BDH1: variants seen among roughly 807,000 people sequenced by gnomAD.
The protein encoded by BDH1 is D-beta-hydroxybutyrate dehydrogenase, mitochondrial.
Under a neutral mutation model 33.1 loss-of-function variants are expected in BDH1, and 30 were observed. That is an observed-to-expected ratio of 0.91 (90% confidence interval 0.68 to 1.23). The LOEUF is 1.23. Ranked by LOEUF, BDH1 falls within the 50% of genes most tolerant of loss-of-function variation. BDH1 has a pLI of 0.00. For missense variants in BDH1, 443 were observed against 464.4 expected, an observed-to-expected ratio of 0.95 and a Z score of 0.42; for synonymous variants, 190 against 183.6, an observed-to-expected ratio of 1.03 and a Z score of -0.28.
At chr3:197,532,676 T>C (rs570655773) in intron 4 of BDH1, among the ~76,000 whole-genome samples, 154 bp from the exon 5 acceptor site, 1 of 152,302 alleles carries the variant, frequency 6.6e-6, no homozygotes, top group African/African-American at 2.4e-5. Flanking sequence ...AGAAGCACCA[T>C]GGTATAGTGG....
In BDH1 at chr3:197,511,821, G is replaced by A; in HGVS notation, c.*74C>T. ...GGATAATCCACACGTGGATAATCAA[G>A]AGTTGACTATATGGGTTCCTCCCTC... is the stretch of plus-strand genomic sequence containing the variant. On this transcript the variant is annotated 3_prime_UTR_variant, in exon 8 of 8. Transcript: ENST00000392379. The A allele has an allele frequency of 1.5e-6, 2 of 1,369,064 alleles. No homozygotes were observed. Among genetic ancestry groups the A allele is most frequent in the Non-Finnish European group, 2.0e-6 (2 of 1,000,272 alleles). 84.8% of individuals were successfully genotyped at this position (1,369,064 alleles called of 1,614,324 possible). A position where few individuals can be genotyped will look rare whatever the true frequency, so the allele number is the denominator to read the frequency against.
chr3:197,556,749 G>A (rs978983874), upstream of BDH1, among the ~76,000 whole-genome samples: 3 of 152,184 alleles, frequency 2.0e-5, no homozygotes, highest in African/African-American at 7.2e-5. Context: ...TTTAATAATA[G>A]AACAACGGAG....
intron 3 of BDH1, among the ~76,000 whole-genome samples, chr3:197,537,470 G>A (rs907468627): frequency 3.9e-5 from 6 of 152,082 alleles, no homozygotes; most frequent in African/African-American, 4.8e-5. Context: ...CTGCAAATAT[G>A]GGGTCTTATT....
Position 197,512,063 on chromosome 3 carries a change from G to A in BDH1, c.864C>T (p.Cys288=), listed in dbSNP as rs1377437114. 1.2e-6 allele frequency: 2 copies of A among 1,614,200 alleles called. No individual in the cohort carries two copies. Among genetic ancestry groups the A allele is most frequent in the East Asian group, 2.2e-5 (1 of 44,888 alleles). ...GGGACGTGTCTGTGGAGCCACTGCT[G>A]CAGTAGGTCTCCATCTTGGCGATCT... is the stretch of plus-strand genomic sequence containing the variant. ...DEKIAKMETY[C]SSGSTDTSPV... Residue 288 remains cysteine, a synonymous_variant, in exon 8 of 8, where the codon TGC becomes TGT. Coordinates refer to ENST00000392379, the MANE Select transcript of BDH1 (RefSeq NM_203314.3).
intron 1 of BDH1, among the ~76,000 whole-genome samples, chr3:197,568,053 G>C (rs921914936): frequency 6.6e-6 from 1 of 152,086 alleles, no homozygotes; most frequent in Admixed American, 6.6e-5. Context: ...GGCCCTGCCC[G>C]GGGTCTGAAT....
Position 197,549,975 on chromosome 3 carries a change from T to TTATATATA in BDH1, c.-43-3497_-43-3490dup, listed in dbSNP as rs71623361. ...TATATGCACTATAATCAAATAACTA[T>TTATATATA]TATATATATATTTGGCCATTCCTCT... On this transcript the variant is annotated intron_variant, in intron 2 of 7. Transcript: ENST00000392379. 2.2e-4 allele frequency among the ~76,000 whole-genome samples: 32 copies of TTATATATA among 146,946 alleles called. 1 individual carries two copies. The highest frequency in any genetic ancestry group is 4.2e-4 in the South Asian group (2 of 4,734).
chr3:197,539,223 G>A (rs746314560), intron 3 of BDH1, among the ~76,000 whole-genome samples: 11 of 152,046 alleles, frequency 7.2e-5, no homozygotes, highest in African/African-American at 9.7e-5. Flanking sequence ...ATCTTGGCTC[G>A]CTGCAACCTG....
In BDH1 at chr3:197,531,056, T is replaced by C. The variant is rs145005096; in HGVS notation, c.267+1356A>G. The stretch of plus-strand genomic sequence containing the variant: ...ATGGCATTATATTTCAAATAAATAA[T>C]ACAGCGATAAAGAAAAAACAAAAAT... On this transcript the variant is annotated intron_variant, in intron 5 of 7. Transcript: ENST00000392379. Among the ~76,000 whole-genome samples the C allele has an allele frequency of 2.0e-5, 3 of 152,274 alleles. No homozygotes were observed. In the East Asian group the frequency reaches 5.8e-4, roughly 29 times the overall value.
intron 2 of BDH1, among the ~76,000 whole-genome samples, chr3:197,551,829 C>A (rs1047120040): frequency 2.6e-5 from 4 of 152,122 alleles, no homozygotes; most frequent in African/African-American, 9.7e-5. Context: ...CAAAGTGTTA[C>A]CCGAGCTGTC....
chr3:197,532,544 C>T, intron 4 of BDH1, 22 bp from the exon 5 acceptor site: 1 of 1,592,002 alleles, frequency 6.3e-7, no homozygotes, highest in South Asian at 1.1e-5. Context: ...GGTCAGATTC[C>T]ATGTTAGGAA....
At chr3:197,571,057 GAT>G (rs1162713889) in intron 1 of BDH1, among the ~76,000 whole-genome samples, 1 of 152,240 alleles carries the variant, frequency 6.6e-6, no homozygotes, top group Non-Finnish European at 1.5e-5. Flanking sequence ...GCATGACCTG[GAT>G]GTGAGACATG....
intron 3 of BDH1, among the ~76,000 whole-genome samples, chr3:197,543,731 C>CAG (rs1441801360): frequency 1.3e-5 from 2 of 152,164 alleles, no homozygotes; most frequent in Non-Finnish European, 2.9e-5. Context: ...AGGCAAAGTG[C>CAG]AGACCATTCA....
At chr3:197,556,387 G>T (rs147117628), upstream of BDH1, among the ~76,000 whole-genome samples, 2 of 152,372 alleles carry the variant, frequency 1.3e-5, no homozygotes, top group African/African-American at 4.8e-5. Context: ...TTATTTAAAG[G>T]CCGGGGGCGG....
chr3:197,514,227 G>A lies in BDH1; in HGVS notation c.562+37C>T. On this transcript the variant is annotated intron_variant, in intron 7 of 7. Coordinates refer to ENST00000392379, the MANE Select transcript of BDH1 (RefSeq NM_203314.3). The surrounding 1 kb of genome is among the most constrained non-coding windows in gnomAD (Gnocchi z 4.2). ...TGAGCAAAGATGAACACGTGGGGCA[G>A]GTTCAGGGGCAGGAGGGAGCTCCCT... is the stretch of plus-strand genomic sequence containing the variant. 1 of 1,588,944 alleles carries A rather than the reference G, an allele frequency of 6.3e-7. No homozygotes were observed. The highest frequency in any genetic ancestry group is 8.6e-7 in the Non-Finnish European group (1 of 1,164,682).
rs893543789 is a variant in BDH1 at position 197,571,669 on chromosome 3, T to C, written c.-44+1512A>G. ...CATAATTGTGAGGCCTCTCCAGCCA[T>C]GTGGAACTGTGAGTCCATTAAACCT... On this transcript the variant is annotated intron_variant, in intron 1 of 6. Coordinates refer to the BDH1 transcript ENST00000358186. Among the ~76,000 whole-genome samples, 54 of 152,352 alleles carry C rather than the reference T, an allele frequency of 3.5e-4. 1 individual carries two copies. Among genetic ancestry groups the C allele is most frequent in the Admixed American group, 3.3e-3 (51 of 15,302 alleles).
chr3:197,539,120 T>C (rs1715385576), intron 3 of BDH1, among the ~76,000 whole-genome samples: 1 of 152,194 alleles, frequency 6.6e-6, no homozygotes, highest in East Asian at 1.9e-4. Context: ...TTTACAGTTG[T>C]GTTTTTTTGA....
Position 197,533,559 on chromosome 3 carries a change from C to A in BDH1, c.86G>T (p.Arg29Leu). The A allele has an allele frequency of 6.2e-7, 1 of 1,614,186 alleles. No individual in the cohort carries two copies. Among genetic ancestry groups the A allele is most frequent in the African/African-American group, 1.3e-5 (1 of 75,052 alleles). Residue 29 changes from arginine to leucine, a missense_variant and splice_region_variant, in exon 4 of 8, where the codon CGC becomes CTC. Physicochemically the swap from Arg to Leu is moderately radical, Grantham distance 102 (BLOSUM62 -2). Transcript: ENST00000392379. ...GGAAGTAGAACCAAGCAATAGTGGG[C>A]GTCTGCAAGAGAAAAGGAAGCCGTG... ...SACDRENGAR[R>L]PLLLGSTSFI...
intron 2 of BDH1, among the ~76,000 whole-genome samples, chr3:197,546,947 G>C (rs1252902220): frequency 6.6e-6 from 1 of 152,190 alleles, no homozygotes; most frequent in African/African-American, 2.4e-5. Context: ...GCCCCTGCAG[G>C]CAGCTTGTCC....
At chr3:197,570,518 G>C (rs960627324) in intron 1 of BDH1, among the ~76,000 whole-genome samples, 22 of 152,244 alleles carry the variant, frequency 1.4e-4, no homozygotes, top group African/African-American at 4.8e-4. Context: ...GGGGCCCCCT[G>C]CTGTGTGCAT....
Sources: allele counts gnomAD v4.1 joint callset (sites outside exome capture counted in the v4.1 genomes callset), GRCh38; gene constraint gnomAD v4.1.1; non-coding constraint Gnocchi (gnomAD v3.1); transcripts MANE v1.5; gene names NCBI Gene and HGNC (gene_info 2026-07-23, HGNC 2026-07-21).